MTUS2: variants seen among roughly 807,000 people sequenced by gnomAD.
MTUS2 encodes microtubule associated scaffold protein 2, also known as microtubule-associated tumor suppressor candidate 2.
MTUS2 carries 40 observed loss-of-function variants against 114.1 expected under a neutral mutation model. The ratio of observed to expected loss-of-function variants is 0.35; its 90% CI spans 0.27 to 0.46. MTUS2 has a LOEUF of 0.46. Among genes scored for constraint, MTUS2 ranks in the 20% least tolerant of loss-of-function variants. MTUS2 has a pLI of 1.00. For synonymous variants in MTUS2, 688 were observed against 672.0 expected (o/e 1.02, Z -0.37); for missense variants, 1,679 against 1,705.4 (o/e 0.98, Z 0.27).
At chr13:29,408,216 CT>C (rs1202841219) in intron 8 of MTUS2, among the ~76,000 whole-genome samples, 1 of 151,546 alleles carries the variant, frequency 6.6e-6, no homozygotes, top group African/African-American at 2.4e-5. Flanking sequence ...ATTGCTTGTG[CT>C]TTTTTTGTGT....
intron 2 of MTUS2, among the ~76,000 whole-genome samples, chr13:28,915,650 A>AT (rs1330264260): frequency 2.0e-5 from 3 of 151,450 alleles, no homozygotes; most frequent in African/African-American, 2.4e-5. Context: ...AGATTATTAG[A>AT]TTTTTTCCTA....
chr13:28,915,249 A>G (rs999764044), intron 2 of MTUS2, among the ~76,000 whole-genome samples: 1 of 151,974 alleles, frequency 6.6e-6, no homozygotes, highest in Non-Finnish European at 1.5e-5. Context: ...CAGTGCTGCA[A>G]GAAACATAGG....
At chr13:29,395,680 C>T (rs530441326) in intron 8 of MTUS2, among the ~76,000 whole-genome samples, 17 of 152,320 alleles carry the variant, frequency 1.1e-4, no homozygotes, top group African/African-American at 3.8e-4. Flanking sequence ...GTCCACTAGG[C>T]TTTGCTGGAC....
chr13:29,213,607 T>C (rs1895547135), intron 5 of MTUS2, among the ~76,000 whole-genome samples: 1 of 152,228 alleles, frequency 6.6e-6, no homozygotes, highest in Non-Finnish European at 1.5e-5. Context: ...CTGGTAATAC[T>C]TTTTTCCTTG....
At chr13:29,000,475 G>T (rs1216301683) in intron 2 of MTUS2, among the ~76,000 whole-genome samples, 1 of 151,980 alleles carries the variant, frequency 6.6e-6, no homozygotes, top group Non-Finnish European at 1.5e-5. Flanking sequence ...CAATTTTCCT[G>T]CCTGAGCCTC....
At chr13:29,333,592 GT>G (rs1414020893) in intron 7 of MTUS2, among the ~76,000 whole-genome samples, 1 of 152,316 alleles carries the variant, frequency 6.6e-6, no homozygotes, top group Non-Finnish European at 1.5e-5. Flanking sequence ...TTTCTGAGGA[GT>G]TTTTTACTTC....
At chr13:29,159,079 G>A (rs1892988282) in intron 5 of MTUS2, among the ~76,000 whole-genome samples, 1 of 152,180 alleles carries the variant, frequency 6.6e-6, no homozygotes, top group Non-Finnish European at 1.5e-5. Context: ...AAGTTACCGT[G>A]GAGAATGTTC....
intron 5 of MTUS2, among the ~76,000 whole-genome samples, chr13:29,127,852 C>T (rs536844746): frequency 4.6e-5 from 7 of 152,326 alleles, no homozygotes; most frequent in African/African-American, 1.2e-4. Flanking sequence ...TGCTAAGCAG[C>T]GTGGTTTTAC....
At position 29,347,594 on chromosome 13, in the gene MTUS2, C is replaced by A. The variant is rs1338495528; in HGVS notation, c.2906-11668C>A. Among the ~76,000 whole-genome samples the A allele has an allele frequency of 7.9e-5, 12 of 152,120 alleles. No homozygotes were observed. In the South Asian group the frequency reaches 1.7e-3, roughly 21 times the overall value. On this transcript the variant is annotated intron_variant, in intron 7 of 15. Coordinates refer to ENST00000612955, the MANE Select transcript of MTUS2 (RefSeq NM_001033602.4). The stretch of plus-strand genomic sequence containing the variant: ...ACACGACACGTGTGGGGTTTCCACA[C>A]CAAGCAATTATCCACTTCTCTGTGG...
chr13:29,472,731 G>T (rs1482088137), intron 9 of MTUS2, among the ~76,000 whole-genome samples: 1 of 152,102 alleles, frequency 6.6e-6, no homozygotes, highest in Non-Finnish European at 1.5e-5. Context: ...GTCTATAATG[G>T]CAAATCTTGG....
At chr13:29,463,239 G>C (rs905880179) in intron 9 of MTUS2, among the ~76,000 whole-genome samples, 4 of 152,286 alleles carry the variant, frequency 2.6e-5, no homozygotes, top group African/African-American at 4.8e-5. Context: ...GCACACCCCT[G>C]CTGACACCTT....
intron 8 of MTUS2, among the ~76,000 whole-genome samples, chr13:29,374,794 G>A (rs1254867426): frequency 3.3e-5 from 5 of 151,884 alleles, no homozygotes; most frequent in Non-Finnish European, 5.9e-5. Flanking sequence ...CTACTCGGGA[G>A]GCTGACCTGT....
intron 5 of MTUS2, among the ~76,000 whole-genome samples, chr13:29,221,304 A>G (rs552974748): frequency 3.3e-5 from 5 of 152,266 alleles, no homozygotes; most frequent in Admixed American, 3.3e-4. Flanking sequence ...TTAAAAGGCA[A>G]TGGCCAAATG....
intron 2 of MTUS2, among the ~76,000 whole-genome samples, chr13:28,972,121 T>A (rs949237438): frequency 1.3e-5 from 2 of 152,154 alleles, no homozygotes; most frequent in Non-Finnish European, 2.9e-5. Flanking sequence ...AAAGAAATAT[T>A]TTGCGTAGAT....
intron 2 of MTUS2, among the ~76,000 whole-genome samples, chr13:28,924,574 C>T (rs551016683): frequency 6.6e-6 from 1 of 152,280 alleles, no homozygotes; most frequent in Admixed American, 6.5e-5. Flanking sequence ...AATCTACGTG[C>T]ATAGGGAATA....
At chr13:28,875,414 A>AGAT in intron 2 of MTUS2, among the ~76,000 whole-genome samples, 1 of 152,250 alleles carries the variant, frequency 6.6e-6, no homozygotes, top group East Asian at 1.9e-4. Flanking sequence ...CTCCAAACTT[A>AGAT]GATAAAGTGG....
Position 29,496,260 on chromosome 13 carries a change from C to T in MTUS2, c.3580-978C>T. 6.5e-6 allele frequency: 1 copy of T among 152,722 alleles called. No homozygotes were observed. Among genetic ancestry groups the T allele is most frequent in the Non-Finnish European group, 1.5e-5 (1 of 68,274 alleles). The allele number at this position is 152,722 out of a possible 1,614,324, so 9.5% of individuals were successfully genotyped here. ...GGAGAGCAGCCAGCTGCCTGCCTAG[C>T]TGACAGGCATGGGAAGGTTGAGGGC... On this transcript the variant is annotated intron_variant, in intron 12 of 15. Coordinates refer to ENST00000612955, the MANE Select transcript of MTUS2 (RefSeq NM_001033602.4). This position sits in a 1 kb window ranked among gnomAD's most constrained non-coding sequence, Gnocchi z 4.3.
At chr13:29,082,510 A>G (rs1266390737) in intron 4 of MTUS2, among the ~76,000 whole-genome samples, 1 of 151,964 alleles carries the variant, frequency 6.6e-6, no homozygotes, top group Non-Finnish European at 1.5e-5. Flanking sequence ...TAAAGGGGTG[A>G]CCTCCTCCAG....
intron 6 of MTUS2, among the ~76,000 whole-genome samples, chr13:29,310,766 C>T (rs1899717601): frequency 6.6e-6 from 1 of 152,190 alleles, no homozygotes; most frequent in African/African-American, 2.4e-5. Context: ...ACATGGGGAA[C>T]TCTCATACAG....
Sources: allele counts gnomAD v4.1 joint callset (sites outside exome capture counted in the v4.1 genomes callset), GRCh38; gene constraint gnomAD v4.1.1; non-coding constraint Gnocchi (gnomAD v3.1); transcripts MANE v1.5; gene names NCBI Gene and HGNC (gene_info 2026-07-23, HGNC 2026-07-21).